The following DRC9 variants were observed in gnomAD, a reference collection of about 807,000 sequenced individuals.
DRC9 encodes dynein regulatory complex protein 9.
the DRC9 span, among the ~76,000 whole-genome samples, chr3:197,934,705 C>T: frequency 3.3e-5 from 5 of 151,866 alleles, no homozygotes; most frequent in Admixed American, 1.3e-4. Context: ...CAAGAGCTCA[C>T]ACCTGTAATC....
the DRC9 span, among the ~76,000 whole-genome samples, chr3:197,924,998 C>T: frequency 7.9e-5 from 12 of 152,174 alleles, no homozygotes; most frequent in African/African-American, 2.7e-4. Context: ...ACCACAAAAG[C>T]TCGCAAATCC....
chr3:197,906,053 A>G, the DRC9 span, among the ~76,000 whole-genome samples: 2 of 151,996 alleles, frequency 1.3e-5, no homozygotes, highest in Non-Finnish European at 2.9e-5. Flanking sequence ...GCAGTTACCA[A>G]TTTACTGCCT....
At chr3:197,943,646 A>G in the DRC9 span, 1 of 893,940 alleles carries the variant, frequency 1.1e-6, no homozygotes, top group Admixed American at 2.7e-5. Flanking sequence ...CAAAAAAAAA[A>G]AGAAAAGAAA....
chr3:197,911,056 C>T, the DRC9 span, among the ~76,000 whole-genome samples: 4 of 150,898 alleles, frequency 2.7e-5, no homozygotes, highest in African/African-American at 9.7e-5. Context: ...ATATTATAGA[C>T]CCAGCTTGGT....
the DRC9 span, among the ~76,000 whole-genome samples, chr3:197,917,866 G>A: frequency 6.6e-5 from 10 of 151,538 alleles, no homozygotes; most frequent in South Asian, 1.3e-3. Context: ...AAGTAGCTGG[G>A]ATTACAGGCA....
the DRC9 span, among the ~76,000 whole-genome samples, chr3:197,926,486 A>C: frequency 6.6e-6 from 1 of 152,186 alleles, no homozygotes; most frequent in Non-Finnish European, 1.5e-5. Context: ...TCTAACCCTC[A>C]CAATAGCCTG....
At chr3:197,897,717 G>A in the DRC9 span, among the ~76,000 whole-genome samples, 1 of 150,960 alleles carries the variant, frequency 6.6e-6, no homozygotes, top group African/African-American at 2.4e-5. Flanking sequence ...TACATAGTCT[G>A]ACCATAACCA....
At chr3:197,956,566 T>G in the DRC9 span, 2 of 152,042 alleles carry the variant, frequency 1.3e-5, no homozygotes, top group South Asian at 4.1e-4. Context: ...CCTAAATATT[T>G]TAGATTTCTT....
At chr3:197,950,620 G>T in the DRC9 span, 1 of 427,100 alleles carries the variant, frequency 2.3e-6, no homozygotes, top group Middle Eastern at 6.6e-4. Flanking sequence ...TCTCTTTAAG[G>T]CTTCATTTCT....
chr3:197,911,682 C>G, the DRC9 span, among the ~76,000 whole-genome samples: 2 of 151,840 alleles, frequency 1.3e-5, no homozygotes, highest in African/African-American at 4.8e-5. Flanking sequence ...GCTCTGTTGC[C>G]CAGGCTGGAG....
chr3:197,917,864 G>A, the DRC9 span, among the ~76,000 whole-genome samples: 2 of 151,342 alleles, frequency 1.3e-5, no homozygotes, highest in African/African-American at 4.9e-5. Context: ...CCAAGTAGCT[G>A]GGATTACAGG....
chr3:197,918,657 T>G, the DRC9 span, among the ~76,000 whole-genome samples: 1 of 152,154 alleles, frequency 6.6e-6, no homozygotes, highest in Admixed American at 6.6e-5. Context: ...AAAAATATAC[T>G]TTTGAAAACT....
At chr3:197,920,158 G>A in the DRC9 span, among the ~76,000 whole-genome samples, 4,136 of 152,158 alleles carry the variant, frequency 0.027, 90 homozygotes, top group Middle Eastern at 0.048. Context: ...GTAGTGAGCT[G>A]AGATCGCGGC....
chr3:197,955,265 T>G, the DRC9 span, among the ~76,000 whole-genome samples: 1 of 151,862 alleles, frequency 6.6e-6, no homozygotes, highest in Non-Finnish European at 1.5e-5. Flanking sequence ...GTACATGTTT[T>G]TCTTTTTCTT....
chr3:197,917,375 T>A, the DRC9 span, among the ~76,000 whole-genome samples: 1 of 152,226 alleles, frequency 6.6e-6, no homozygotes, highest in African/African-American at 2.4e-5. Context: ...TCTACTAGCT[T>A]CTTGATATAA....
chr3:197,926,183 A>G, the DRC9 span: 1 of 776,594 alleles, frequency 1.3e-6, no homozygotes, highest in South Asian at 1.4e-5. Flanking sequence ...CCCGCACATA[A>G]GAAAACCAGA....
chr3:197,904,541 T>C, the DRC9 span, among the ~76,000 whole-genome samples: 1 of 152,124 alleles, frequency 6.6e-6, no homozygotes. Context: ...TTGGAAGCAA[T>C]GTAAGTGTCT....
the DRC9 span, among the ~76,000 whole-genome samples, chr3:197,939,653 C>T: frequency 2.0e-5 from 3 of 152,192 alleles, no homozygotes; most frequent in African/African-American, 4.8e-5. Flanking sequence ...TCTCTGTGTC[C>T]CCATTTTCCC....
the DRC9 span, among the ~76,000 whole-genome samples, chr3:197,918,831 C>T: frequency 7.2e-5 from 11 of 152,050 alleles, no homozygotes; most frequent in Admixed American, 5.2e-4. Context: ...TGTTTTAGAC[C>T]GAGTTTTGCT....
Sources: allele counts gnomAD v4.1 joint callset (sites outside exome capture counted in the v4.1 genomes callset), GRCh38; gene constraint gnomAD v4.1.1; transcripts MANE v1.5; gene names NCBI Gene and HGNC (gene_info 2026-07-23, HGNC 2026-07-21).